DGUOK: variants seen among roughly 807,000 people sequenced by gnomAD.
DGUOK encodes the protein deoxyguanosine kinase, mitochondrial.
In DGUOK, 30 loss-of-function variants were observed where a neutral mutation model predicts 36.6. That is an observed-to-expected ratio of 0.82 (90% CI 0.61 to 1.11). The LOEUF (loss-of-function observed/expected upper bound fraction) is 1.11. DGUOK is among the 50% of genes most tolerant of loss of function. DGUOK has a pLI of 0.00. For synonymous variants in DGUOK, 145 were observed against 126.3 expected (o/e 1.15, Z -0.99); for missense variants, 361 against 336.4 (o/e 1.07, Z -0.57).
rs761709992 is a variant in DGUOK at position 73,950,665 on chromosome 2, T to A, written c.524T>A (p.Phe175Tyr). ...CATATCTATCAGGACTGGCATTCTT[T>A]TCTCCTGTGGGAGTTTGCCAGCCGG... ...EWHIYQDWHS[F>Y]LLWEFASRIT... Residue 175 changes from phenylalanine to tyrosine, a missense_variant, in exon 4 of 7, where the codon TTT (phenylalanine) becomes TAT (tyrosine). Physicochemically the swap from Phe to Tyr is conservative, Grantham distance 22. Coordinates refer to ENST00000264093, the MANE Select transcript of DGUOK (RefSeq NM_080916.3). The A allele has an allele frequency of 1.9e-6, 3 of 1,614,206 alleles. No individual in the cohort carries two copies. In the South Asian group the frequency reaches 3.3e-5, roughly 18 times the overall value.
At position 73,931,431 on chromosome 2, in the gene DGUOK, C is replaced by T. The variant is rs575365607; in HGVS notation, c.142+4379C>T. Among the ~76,000 whole-genome samples the T allele has an allele frequency of 6.9e-4, 105 of 152,264 alleles. No homozygotes were observed. The Middle Eastern group carries it at 0.01, about 15-fold the overall frequency. ...CTGAGACTACAGGCATGTGCCACCACGCCTAGCTAACACATGCAGTTTTAA... is the reference window on the plus strand; with the variant it reads ...CTGAGACTACAGGCATGTGCCACCATGCCTAGCTAACACATGCAGTTTTAA... On this transcript the variant is annotated intron_variant, in intron 1 of 6. Transcript: ENST00000264093.
At chr2:73,957,269 G>C (rs1038758699) in intron 5 of DGUOK, 29 bp downstream of exon 5, 1 of 1,564,380 alleles carries the variant, frequency 6.4e-7, no homozygotes, top group Non-Finnish European at 8.8e-7. Context: ...ATGTATCAGA[G>C]ACAGAGACCT....
chr2:73,955,483 T>A (rs895516039), intron 4 of DGUOK, among the ~76,000 whole-genome samples: 3 of 152,136 alleles, frequency 2.0e-5, no homozygotes, highest in African/African-American at 4.8e-5. Context: ...AGAGAAAAGG[T>A]AAGATAAGAG....
rs1681696356 is a variant in DGUOK at position 73,938,996 on chromosome 2, A to G, written c.229A>G (p.Asn77Asp). The change falls in exon 2 of 7, where the codon AAT becomes GAT. Residue 77 changes from asparagine (N) to aspartate (D), a missense_variant. Coordinates refer to ENST00000264093, the MANE Select transcript of DGUOK (RefSeq NM_080916.3). ...VATEPVATWQ[N>D]IQAAGTQKAC... ...TACAGAACCTGTAGCAACATGGCAG[A>G]ATATCCAGGCTGCTGGCACCCAAAA... 9 of 1,614,014 alleles carry G rather than the reference A, an allele frequency of 5.6e-6. No individual in the cohort carries two copies. The highest frequency in any genetic ancestry group is 7.6e-6 in the Non-Finnish European group (9 of 1,179,870).
intron 1 of DGUOK, among the ~76,000 whole-genome samples, chr2:73,931,907 A>G (rs1236159203): frequency 6.6e-6 from 1 of 152,096 alleles, no homozygotes; most frequent in Non-Finnish European, 1.5e-5. Flanking sequence ...GATTGACAGG[A>G]TGTGGTGGCC....
At chr2:73,953,988 G>A (rs961876650) in intron 4 of DGUOK, among the ~76,000 whole-genome samples, 1 of 151,970 alleles carries the variant, frequency 6.6e-6, no homozygotes, top group African/African-American at 2.4e-5. Flanking sequence ...AAAGTGCTGG[G>A]ATTACAGGCA....
rs745436352 is a variant in DGUOK, at chr2:73,946,857, C to G, written c.394C>G (p.Gln132Glu). 9 of 1,613,842 alleles carry G rather than the reference C, an allele frequency of 5.6e-6. No individual in the cohort carries two copies. The highest frequency in any genetic ancestry group is 4.0e-5 in the African/African-American group (3 of 75,028). ...QLEPFPEKLL[Q>E]ARKPVQIFER... ...GGAGCCCTTCCCTGAGAAACTCTTACAGGCCAGGAAGCCAGTACAGATCTT... is the reference window on the plus strand; with the variant it reads ...GGAGCCCTTCCCTGAGAAACTCTTAGAGGCCAGGAAGCCAGTACAGATCTT... Residue 132 changes from glutamine (Q) to glutamate (E), a missense_variant, in exon 3 of 7, where the codon CAG (glutamine) becomes GAG (glutamate). By Grantham distance (29) the Gln-to-Glu change is conservative. Transcript: ENST00000264093.
intron 2 of DGUOK, among the ~76,000 whole-genome samples, chr2:73,941,577 C>T (rs1681905281): frequency 6.6e-6 from 1 of 152,120 alleles, no homozygotes; most frequent in Admixed American, 6.5e-5. Flanking sequence ...GACAAGATCT[C>T]CCTTTCACAG....
chr2:73,958,091 TGACTC>T (rs2105008212), intron 5 of DGUOK, 50 bp from the exon 6 acceptor site: 1 of 1,430,198 alleles, frequency 7.0e-7, no homozygotes, highest in Non-Finnish European at 9.8e-7. Flanking sequence ...ATGTGAAACT[TGACTC>T]AAGTTACATT....
At position 73,958,235 on chromosome 2, in the gene DGUOK, T is replaced by G. The variant is rs886037846; in HGVS notation, c.797T>G (p.Leu266Arg). ...GAGGAAGTAACCAAACAAGAAGACC[T>G]CATGAGAGAGGTGGGAAGGACTTTA... ...FSEEVTKQED[L>R]MREVNTFVKN... The change falls in exon 6 of 7, where the codon CTC becomes CGC. Residue 266 changes from leucine to arginine, a missense_variant. Coordinates refer to ENST00000264093, the MANE Select transcript of DGUOK (RefSeq NM_080916.3). The G allele has an allele frequency of 2.5e-6, 4 of 1,612,918 alleles. No individual in the cohort carries two copies. The highest frequency in any genetic ancestry group is 3.4e-6 in the Non-Finnish European group (4 of 1,179,016).
At chr2:73,928,927 A>G (rs1573496422) in intron 1 of DGUOK, among the ~76,000 whole-genome samples, 2 of 152,194 alleles carry the variant, frequency 1.3e-5, no homozygotes, top group South Asian at 2.1e-4. Flanking sequence ...TAACAGTGGA[A>G]GTGGTGAGAA....
chr2:73,930,794 C>CTTTTTTTTTTTTT (rs1028341314), intron 1 of DGUOK, among the ~76,000 whole-genome samples: 13 of 35,658 alleles, frequency 3.6e-4, no homozygotes, highest in East Asian at 6.2e-4. Flanking sequence ...TTTTTTTTTT[C>CTTTTTTTTTTTTT]TTTTTTTTTT....
chr2:73,940,492 A>G (rs1461154054), intron 2 of DGUOK, among the ~76,000 whole-genome samples: 3 of 151,996 alleles, frequency 2.0e-5, no homozygotes, highest in Non-Finnish European at 2.9e-5. Flanking sequence ...TTGTCTCTTT[A>G]TATGTCTGTA....
At chr2:73,942,518 C>T (rs1681976565) in intron 2 of DGUOK, among the ~76,000 whole-genome samples, 3 of 152,156 alleles carry the variant, frequency 2.0e-5, no homozygotes, top group South Asian at 4.1e-4. Context: ...CTTTTTTCCA[C>T]ATCATCTTCT....
chr2:73,953,879 C>T (rs1401931787), intron 4 of DGUOK, among the ~76,000 whole-genome samples: 5 of 152,040 alleles, frequency 3.3e-5, no homozygotes, highest in African/African-American at 4.8e-5. Context: ...CCACCACACC[C>T]GGCTAATTTT....
intron 1 of DGUOK, among the ~76,000 whole-genome samples, chr2:73,935,113 A>G (rs1431516078): frequency 1.3e-5 from 2 of 152,064 alleles, no homozygotes; most frequent in African/African-American, 4.8e-5. Flanking sequence ...TGGACAGGTC[A>G]AACATACTGG....
At chr2:73,935,928 G>A (rs1360575339) in intron 1 of DGUOK, among the ~76,000 whole-genome samples, 1 of 152,154 alleles carries the variant, frequency 6.6e-6, no homozygotes, top group Non-Finnish European at 1.5e-5. Flanking sequence ...TTGGAGTCCT[G>A]ACTGCTCTTA....
At chr2:73,938,708 A>G (rs112201344) in intron 1 of DGUOK, among the ~76,000 whole-genome samples, 65 of 152,238 alleles carry the variant, frequency 4.3e-4, no homozygotes, top group African/African-American at 1.2e-3. Flanking sequence ...TTTCCTCCCT[A>G]TTGGCTGTAT....
chr2:73,949,319 A>C (rs1040019892), intron 3 of DGUOK, among the ~76,000 whole-genome samples: 2 of 152,208 alleles, frequency 1.3e-5, no homozygotes, highest in Non-Finnish European at 2.9e-5. Flanking sequence ...TGAGTTTAAA[A>C]TGTTACCCTT....
Sources: allele counts gnomAD v4.1 joint callset (sites outside exome capture counted in the v4.1 genomes callset), GRCh38; gene constraint gnomAD v4.1.1; transcripts MANE v1.5; gene names NCBI Gene and HGNC (gene_info 2026-07-23, HGNC 2026-07-21).